EPB41L4B: variants seen among roughly 807,000 people sequenced by gnomAD.
EPB41L4B encodes the protein band 4.1-like protein 4B.
Under a neutral mutation model 112.5 loss-of-function variants are expected in EPB41L4B, and 30 were observed. That is an observed-to-expected ratio of 0.27 (90% CI 0.20 to 0.36). EPB41L4B has a LOEUF of 0.36. Among genes scored for constraint, EPB41L4B ranks in the 10% least tolerant of loss-of-function variants. The pLI is 1.00. For synonymous variants in EPB41L4B, 408 were observed against 439.7 expected (o/e 0.93, Z 0.90); for missense variants, 1,024 against 1,133.3 (o/e 0.90, Z 1.38).
chr9:109,192,444 T>A (rs1011457120), intron 21 of EPB41L4B, 89 bp from the exon 22 acceptor site: 36 of 919,968 alleles, frequency 3.9e-5, no homozygotes, highest in Non-Finnish European at 6.1e-5. Context: ...GTTCCCAGCC[T>A]CTCCTCTACA....
At chr9:109,216,057 A>T (rs1455299550) in intron 16 of EPB41L4B, among the ~76,000 whole-genome samples, 1 of 152,204 alleles carries the variant, frequency 6.6e-6, no homozygotes, top group Non-Finnish European at 1.5e-5. Flanking sequence ...ACCTGACACC[A>T]CTTTGCTCTC....
At chr9:109,240,647 C>T in intron 15 of EPB41L4B, 2 of 985,420 alleles carry the variant, frequency 2.0e-6, no homozygotes, top group Non-Finnish European at 2.4e-6. Context: ...TCTGGTTCTA[C>T]CAACAGACTA....
intron 1 of EPB41L4B, among the ~76,000 whole-genome samples, chr9:109,314,266 G>A (rs987555271): frequency 3.3e-5 from 5 of 152,330 alleles, no homozygotes; most frequent in South Asian, 2.1e-4. Context: ...GATTTCTGTG[G>A]TTGCCAGGCT....
chr9:109,270,252 G>C (rs1015091536), intron 2 of EPB41L4B, among the ~76,000 whole-genome samples: 1 of 152,116 alleles, frequency 6.6e-6, no homozygotes, highest in Non-Finnish European at 1.5e-5. Flanking sequence ...AAAAAAATCA[G>C]GTGGAATCTC....
chr9:109,276,433 CTG>C (rs1169117999), intron 2 of EPB41L4B, among the ~76,000 whole-genome samples: 7 of 152,124 alleles, frequency 4.6e-5, no homozygotes, highest in African/African-American at 1.7e-4. Context: ...AAGACCCAGA[CTG>C]TAAGGAGTCC....
At chr9:109,204,332 C>G (rs370292202) in intron 18 of EPB41L4B, among the ~76,000 whole-genome samples, 1 of 109,124 alleles carries the variant, frequency 9.2e-6, no homozygotes, top group Non-Finnish European at 1.8e-5. Flanking sequence ...GCAGCCCTCA[C>G]GACCATCACA....
At chr9:109,283,502 C>G (rs1321256688) in intron 1 of EPB41L4B, among the ~76,000 whole-genome samples, 2 of 152,130 alleles carry the variant, frequency 1.3e-5, no homozygotes, top group Admixed American at 1.3e-4. Flanking sequence ...ACGGCCTCAT[C>G]TCTCCACCAC....
chr9:109,279,759 C>T lies in EPB41L4B; in HGVS notation c.411+58G>A, dbSNP rs10512228. On this transcript the variant is annotated intron_variant, in intron 2 of 25. Transcript: ENST00000374566. ...TCTACCCATTTCTAGCAACTGTGGA[C>T]GTGCAATTAGCAATGAAAAGCCAAT... The T allele has an allele frequency of 9.3e-5, 128 of 1,381,860 alleles. No individual in the cohort carries two copies. The African/African-American group carries it at 1.4e-3, about 15-fold the overall frequency. 85.6% of individuals were successfully genotyped at this position (1,381,860 alleles called of 1,614,324 possible).
intron 24 of EPB41L4B, among the ~76,000 whole-genome samples, chr9:109,178,647 G>A (rs1831935118): frequency 6.6e-6 from 1 of 151,932 alleles, no homozygotes; most frequent in African/African-American, 2.4e-5. Flanking sequence ...TCACCATGTT[G>A]GCCAGGCTGG....
intron 2 of EPB41L4B, among the ~76,000 whole-genome samples, chr9:109,276,903 T>C (rs1835853515): frequency 6.6e-6 from 1 of 152,180 alleles, no homozygotes; most frequent in Non-Finnish European, 1.5e-5. Flanking sequence ...GCAGCAGACA[T>C]GCCAACGTCC....
chr9:109,200,420 T>C, intron 19 of EPB41L4B, 86 bp from the exon 20 acceptor site: 4 of 970,846 alleles, frequency 4.1e-6, no homozygotes, highest in Non-Finnish European at 4.9e-6. Flanking sequence ...TCTCAGTTAA[T>C]GTACACCTTA....
intron 15 of EPB41L4B, among the ~76,000 whole-genome samples, chr9:109,225,410 C>T (rs1392235096): frequency 6.6e-6 from 1 of 152,162 alleles, no homozygotes; most frequent in Non-Finnish European, 1.5e-5. Flanking sequence ...CACAGTTCCA[C>T]GTGGCTGGAG....
At chr9:109,281,167 AG>A (rs1464263774) in intron 1 of EPB41L4B, among the ~76,000 whole-genome samples, 2 of 151,904 alleles carry the variant, frequency 1.3e-5, no homozygotes, top group Middle Eastern at 3.2e-3. Flanking sequence ...GGAGACATGA[AG>A]TGCAGACAAC....
At position 109,305,648 on chromosome 9, in the gene EPB41L4B, C is replaced by T. The variant is rs113878044; in HGVS notation, c.306+14493G>A. Among the ~76,000 whole-genome samples the T allele has an allele frequency of 4.9e-3, 732 of 149,804 alleles. 10 individuals are homozygous for T. Among genetic ancestry groups the T allele is most frequent in the African/African-American group, 0.017 (687 of 40,564 alleles). On this transcript the variant is annotated intron_variant, in intron 1 of 25. Transcript: ENST00000374566. ...ATCAAAATAAAAATAAAAGGCCAGG[C>T]GTGGTGGTTCACACCTGTAATCCTA...
At chr9:109,196,720 A>G (rs1319602347) in intron 20 of EPB41L4B, among the ~76,000 whole-genome samples, 3 of 65,910 alleles carry the variant, frequency 4.6e-5, no homozygotes, top group African/African-American at 1.6e-4. Context: ...TTGTCTCCGA[A>G]AAAAAAAAAA....
At chr9:109,284,759 A>C (rs1196194941) in intron 1 of EPB41L4B, among the ~76,000 whole-genome samples, 1 of 152,144 alleles carries the variant, frequency 6.6e-6, no homozygotes, top group Non-Finnish European at 1.5e-5. Flanking sequence ...GACCAAATAC[A>C]ATTTCTTAAA....
Position 109,258,208 on chromosome 9 carries a change from A to G in EPB41L4B, c.721T>C (p.Phe241Leu). The G allele has an allele frequency of 6.2e-7, 1 of 1,613,992 alleles. No homozygotes were observed. Among genetic ancestry groups the G allele is most frequent in the Non-Finnish European group, 8.5e-7 (1 of 1,179,862 alleles). The change falls in exon 7 of 26, where the codon TTT becomes CTT. Residue 241 changes from phenylalanine (F) to leucine (L), a missense_variant. By Grantham distance (22) the Phe-to-Leu change is conservative. Transcript: ENST00000374566. ...FIPNQTEAME[F>L]DIFQRWKECR... is the part of the protein sequence containing the mutation. ...TCTTTCCATCTCTGGAAGATATCAAATTCCATTGCTTCTGTCTGATTTGGA... is the reference window on the plus strand; with the variant it reads ...TCTTTCCATCTCTGGAAGATATCAAGTTCCATTGCTTCTGTCTGATTTGGA...
intron 12 of EPB41L4B, among the ~76,000 whole-genome samples, chr9:109,251,743 G>A (rs1265839213): frequency 1.3e-5 from 2 of 152,178 alleles, no homozygotes. Context: ...TGGGCGCTCT[G>A]GGAGGCAGGG....
intron 1 of EPB41L4B, among the ~76,000 whole-genome samples, chr9:109,311,610 A>C (rs955510102): frequency 6.6e-6 from 1 of 152,366 alleles, no homozygotes; most frequent in South Asian, 2.1e-4. Context: ...CCTGCAAAAA[A>C]TGCTGAGAAA....
Sources: allele counts gnomAD v4.1 joint callset (sites outside exome capture counted in the v4.1 genomes callset), GRCh38; gene constraint gnomAD v4.1.1; transcripts MANE v1.5; gene names NCBI Gene and HGNC (gene_info 2026-07-23, HGNC 2026-07-21).